The following ALPK1 variants were observed in gnomAD, a reference collection of about 807,000 sequenced individuals.
The protein encoded by ALPK1 is alpha kinase 1.
In ALPK1, 110 loss-of-function variants were observed where a neutral mutation model predicts 120.6. The ratio of observed to expected loss-of-function variants is 0.91; its 90% CI spans 0.78 to 1.07. The LOEUF (loss-of-function observed/expected upper bound fraction) is 1.07, where lower values mean the gene tolerates loss of function less well. ALPK1 is among the 50% of genes least tolerant of loss of function. The pLI, the probability that ALPK1 is intolerant of heterozygous loss-of-function variation, is 0.00. For synonymous variants in ALPK1, 582 were observed against 560.3 expected (o/e 1.04, Z -0.55); for missense variants, 1,498 against 1,483.9 (o/e 1.01, Z -0.16).
chr4:112,372,084 G>A (rs1297511186), intron 2 of ALPK1, among the ~76,000 whole-genome samples: 1 of 152,036 alleles, frequency 6.6e-6, no homozygotes, highest in Non-Finnish European at 1.5e-5. Flanking sequence ...ACACTCTTGT[G>A]TGCATTCGTT....
chr4:112,409,382 C>A (rs951803026), intron 4 of ALPK1, among the ~76,000 whole-genome samples: 1 of 152,102 alleles, frequency 6.6e-6, no homozygotes, highest in Admixed American at 6.5e-5. Context: ...TAGTACCTCT[C>A]TTCCTCTCCT....
chr4:112,329,668 TG>T (rs1424299139), intron 2 of ALPK1, among the ~76,000 whole-genome samples: 1 of 152,088 alleles, frequency 6.6e-6, no homozygotes, highest in Non-Finnish European at 1.5e-5. Flanking sequence ...CTTTAGGGGA[TG>T]GGAGTGAGGA....
At position 112,427,777 on chromosome 4, in the gene ALPK1, G is replaced by A. The variant is rs1734305731; in HGVS notation, c.795+112G>A. 6.8e-6 allele frequency: 5 copies of A among 737,134 alleles called. No homozygotes were observed. In the South Asian group the frequency reaches 8.2e-5, roughly 12 times the overall value. 45.7% of individuals were successfully genotyped at this position (737,134 alleles called of 1,614,324 possible). A position where few individuals can be genotyped will look rare whatever the true frequency, so the allele number is the denominator to read the frequency against. On this transcript the variant is annotated intron_variant, in intron 9 of 15. Transcript: ENST00000650871. The stretch of plus-strand genomic sequence containing the variant: ...ATTGGGAGGCAGGGAGCTCAGTGCT[G>A]CGCCTCCTAGACAAATGGGAGGAAT...
chr4:112,359,408 T>C, intron 2 of ALPK1: 1 of 312,310 alleles, frequency 3.2e-6, no homozygotes, highest in Non-Finnish European at 6.2e-6. Context: ...CTGCGAAGCC[T>C]GAGAACATCC....
At chr4:112,370,699 C>T (rs762042601) in intron 2 of ALPK1, among the ~76,000 whole-genome samples, 3 of 152,178 alleles carry the variant, frequency 2.0e-5, no homozygotes, top group Non-Finnish European at 2.9e-5. Context: ...GATTCCAAAG[C>T]GTTTCTCATG....
intron 4 of ALPK1, among the ~76,000 whole-genome samples, chr4:112,398,357 A>T (rs958607994): frequency 6.6e-6 from 1 of 152,070 alleles, no homozygotes; most frequent in East Asian, 1.9e-4. Context: ...TGATGGTGTG[A>T]TCATAGCTCA....
intron 4 of ALPK1, among the ~76,000 whole-genome samples, chr4:112,388,974 AT>A (rs1302430674): frequency 6.6e-6 from 1 of 152,044 alleles, no homozygotes; most frequent in East Asian, 1.9e-4. Context: ...CAAAGTCACA[AT>A]CTGAACTCCC....
At chr4:112,330,344 CTACATGTCATT>C (rs1290459948) in intron 2 of ALPK1, among the ~76,000 whole-genome samples, 5 of 152,140 alleles carry the variant, frequency 3.3e-5, no homozygotes, top group Admixed American at 6.5e-5. Flanking sequence ...ATAAAAGTAC[CTACATGTCATT>C]TACAGCCTAA....
Position 112,430,860 on chromosome 4 carries a change from A to G in ALPK1, c.1313A>G (p.Glu438Gly), listed in dbSNP as rs1448759576. The G allele has an allele frequency of 6.2e-7, 1 of 1,614,140 alleles. No individual in the cohort carries two copies. The highest frequency in any genetic ancestry group is 1.1e-5 in the South Asian group (1 of 91,080). Residue 438 changes from glutamate to glycine, a missense_variant, in exon 11 of 16, where the codon GAG becomes GGG. Physicochemically the swap from Glu to Gly is moderately conservative, Grantham distance 98 (BLOSUM62 -2). Coordinates refer to ENST00000650871, the MANE Select transcript of ALPK1 (RefSeq NM_025144.4). ...AGATCTTATGTTCCCGAGAGTTTCG[A>G]GTGCAGGTTGGATAAACTTATCTTG... ...DDRSYVPESFECRLDKLILHG... is the reference protein window; with the variant it reads ...DDRSYVPESFGCRLDKLILHG...
intron 2 of ALPK1, among the ~76,000 whole-genome samples, chr4:112,322,165 A>T (rs1380285801): frequency 6.6e-6 from 1 of 152,226 alleles, no homozygotes; most frequent in Non-Finnish European, 1.5e-5. Flanking sequence ...GAATTTTCAG[A>T]TAATCTGATA....
intron 1 of ALPK1, among the ~76,000 whole-genome samples, chr4:112,310,026 A>G (rs1234248946): frequency 1.3e-5 from 2 of 152,114 alleles, no homozygotes; most frequent in Non-Finnish European, 2.9e-5. Context: ...GATCAAGACT[A>G]TATCTTTTTA....
At chr4:112,311,746 A>C (rs1728409981) in intron 1 of ALPK1, among the ~76,000 whole-genome samples, 2 of 152,186 alleles carry the variant, frequency 1.3e-5, no homozygotes, top group East Asian at 1.9e-4. Context: ...AAGATAGCAG[A>C]GATTTTTTCT....
rs747585690 is a variant in ALPK1, at chr4:112,432,174, T to C, written c.2627T>C (p.Ile876Thr). The part of the protein sequence containing the change: ...TNGHGSHRLC[I>T]LRQPPGQRAE... ...GGGCACGGCTCTCATAGACTGTGCA[T>C]TCTGAGACAGCCGCCTGGTCAGAGG... Residue 876 changes from isoleucine (I) to threonine (T), a missense_variant, in exon 11 of 16, where the codon ATT becomes ACT. Transcript: ENST00000650871. The C allele has an allele frequency of 5.6e-6, 9 of 1,614,212 alleles. No homozygotes were observed. Among genetic ancestry groups the C allele is most frequent in the Non-Finnish European group, 7.6e-6 (9 of 1,180,024 alleles).
intron 1 of ALPK1, among the ~76,000 whole-genome samples, chr4:112,307,101 C>G (rs1020762854): frequency 6.6e-6 from 1 of 152,116 alleles, no homozygotes; most frequent in East Asian, 1.9e-4. Context: ...TTTGATTGCA[C>G]TGTGGTCTGA....
At chr4:112,366,189 C>T (rs2148719909) in intron 2 of ALPK1, among the ~76,000 whole-genome samples, 1 of 152,014 alleles carries the variant, frequency 6.6e-6, no homozygotes, top group Non-Finnish European at 1.5e-5. Context: ...TCAAATGCAA[C>T]AAAAACAAAG....
intron 4 of ALPK1, chr4:112,384,173 C>T (rs1249507149): frequency 6.6e-6 from 1 of 152,172 alleles, no homozygotes; most frequent in Non-Finnish European, 1.5e-5. Context: ...AAGAACAGAC[C>T]AGTAAGTGGT....
At chr4:112,341,521 TC>T (rs1729862548) in intron 2 of ALPK1, among the ~76,000 whole-genome samples, 1 of 152,250 alleles carries the variant, frequency 6.6e-6, no homozygotes, top group Non-Finnish European at 1.5e-5. Flanking sequence ...TTCAAAGCCA[TC>T]TTTGATCTAA....
At chr4:112,331,981 A>G (rs1378361691) in intron 2 of ALPK1, among the ~76,000 whole-genome samples, 7 of 152,138 alleles carry the variant, frequency 4.6e-5, no homozygotes, top group Admixed American at 2.0e-4. Context: ...CCACTAAGTG[A>G]GGTTTCTCAA....
chr4:112,407,858 A>C (rs539432444), intron 4 of ALPK1, among the ~76,000 whole-genome samples: 1 of 152,324 alleles, frequency 6.6e-6, no homozygotes, highest in African/African-American at 2.4e-5. Flanking sequence ...CCTGTAATCC[A>C]GCACTTTGGG....
Sources: gnomAD v4.1 joint callset for allele counts (sites outside exome capture counted in the v4.1 genomes callset) on GRCh38, gnomAD v4.1.1 for gene constraint, MANE v1.5 for transcripts, NCBI Gene and HGNC (gene_info 2026-07-23, HGNC 2026-07-21) for gene names.